IL1RAPL2: variants seen among roughly 807,000 people sequenced by gnomAD.
IL1RAPL2 encodes the protein interleukin 1 receptor accessory protein like 2, also known as X-linked interleukin-1 receptor accessory protein-like 2.
IL1RAPL2 carries 3 observed loss-of-function variants against 44.1 expected under a neutral mutation model. The ratio of observed to expected loss-of-function variants is 0.07; its 90% CI spans 0.03 to 0.18. The LOEUF (loss-of-function observed/expected upper bound fraction) is 0.18, where lower values mean the gene tolerates loss of function less well. Ranked by LOEUF, IL1RAPL2 falls within the 10% of genes least tolerant of loss-of-function variation. The pLI is 1.00. For synonymous variants in IL1RAPL2, 181 were observed against 178.8 expected (o/e 1.01, Z -0.10); for missense variants, 391 against 496.4 (o/e 0.79, Z 2.02).
intron 9 of IL1RAPL2, among the ~76,000 whole-genome samples, chrX:105,751,706 A>C (rs1293710538): frequency 8.9e-6 from 1 of 111,789 alleles, no homozygotes; most frequent in Non-Finnish European, 1.9e-5. Flanking sequence ...ATTTTTCTGC[A>C]TAGAACCTTG....
Position 105,602,723 on chromosome X carries a change from A to T in IL1RAPL2, c.773-114644A>T, listed in dbSNP as rs747599271. Among the ~76,000 whole-genome samples the T allele has an allele frequency of 3.6e-5, 4 of 109,837 alleles. No homozygotes were observed. In the South Asian group the frequency reaches 1.6e-3, roughly 43 times the overall value. On this transcript the variant is annotated intron_variant, in intron 6 of 10. Transcript: ENST00000372582. ...AGTCATATATAAGGAAATTCCCATCAGACTAACTAGAAATTTTTTAGCAGA... is the reference window on the plus strand; with the variant it reads ...AGTCATATATAAGGAAATTCCCATCTGACTAACTAGAAATTTTTTAGCAGA...
At chrX:105,516,481 A>T (rs1388219828) in intron 6 of IL1RAPL2, among the ~76,000 whole-genome samples, 1 of 111,936 alleles carries the variant, frequency 8.9e-6, no homozygotes, top group Admixed American at 9.5e-5. Context: ...AAACACGTGG[A>T]TGCAATGAAC....
At chrX:105,317,075 A>G (rs2034847927) in intron 5 of IL1RAPL2, among the ~76,000 whole-genome samples, 1 of 111,599 alleles carries the variant, frequency 9.0e-6, no homozygotes, top group Non-Finnish European at 1.9e-5. Context: ...CACTCTGCCT[A>G]GCTCATAATA....
chrX:105,066,427 G>A (rs916916539), intron 2 of IL1RAPL2, among the ~76,000 whole-genome samples: 7 of 111,794 alleles, frequency 6.3e-5, no homozygotes, highest in African/African-American at 2.0e-4. Flanking sequence ...CCTAAGAGCA[G>A]CTACTGACAT....
chrX:105,000,297 T>C (rs1373155813), intron 2 of IL1RAPL2, among the ~76,000 whole-genome samples: 3 of 112,138 alleles, frequency 2.7e-5, no homozygotes, highest in Non-Finnish European at 1.9e-5. Flanking sequence ...TTTCCATTTA[T>C]AGCTCTAAAT....
At chrX:104,705,291 C>T (rs781090959) in intron 2 of IL1RAPL2, among the ~76,000 whole-genome samples, 25 of 111,178 alleles carry the variant, frequency 2.2e-4, no homozygotes, top group East Asian at 5.7e-4. Context: ...AATCTAATAA[C>T]GTGCAACTGT....
chrX:104,839,141 G>A lies in IL1RAPL2; in HGVS notation c.82+180146G>A, dbSNP rs749907056. On this transcript the variant is annotated intron_variant, in intron 2 of 10. Transcript: ENST00000372582. ...TGGGATTACAAGCATGAGCCACTGT[G>A]CCCGGCCCTCTTGTGCCTGAAAGGG... 4.7e-4 allele frequency among the ~76,000 whole-genome samples: 52 copies of A among 110,113 alleles called. 1 individual carries two copies. The highest frequency in any genetic ancestry group is 1.6e-3 in the African/African-American group (48 of 30,335).
chrX:105,119,068 A>T (rs1052488493), intron 2 of IL1RAPL2, among the ~76,000 whole-genome samples: 2 of 111,531 alleles, frequency 1.8e-5, no homozygotes, highest in African/African-American at 6.5e-5. Context: ...TTGACCTGTG[A>T]TGTAGCCAGG....
intron 6 of IL1RAPL2, among the ~76,000 whole-genome samples, chrX:105,697,363 T>C (rs2038084829): frequency 9.1e-6 from 1 of 109,979 alleles, no homozygotes; most frequent in Non-Finnish European, 1.9e-5. Flanking sequence ...AAATGCATTA[T>C]TAAATGCCAA....
At chrX:105,619,279 A>G (rs903203240) in intron 6 of IL1RAPL2, among the ~76,000 whole-genome samples, 16 of 110,459 alleles carry the variant, frequency 1.4e-4, no homozygotes, top group African/African-American at 4.6e-4. Flanking sequence ...CTGTTAAATA[A>G]AGGTAAGATT....
intron 5 of IL1RAPL2, among the ~76,000 whole-genome samples, chrX:105,299,148 A>G (rs1404046941): frequency 8.9e-6 from 1 of 111,755 alleles, no homozygotes; most frequent in East Asian, 2.8e-4. Context: ...AATATGTTAG[A>G]TCTGTTTTTA....
chrX:105,748,287 G>A (rs1390243723), intron 8 of IL1RAPL2, among the ~76,000 whole-genome samples: 2 of 112,245 alleles, frequency 1.8e-5, no homozygotes, highest in Non-Finnish European at 3.8e-5. Context: ...AGGTAGGCTG[G>A]TGTTGGCTGA....
chrX:104,900,090 G>A (rs1057289739), intron 2 of IL1RAPL2, among the ~76,000 whole-genome samples: 7 of 111,554 alleles, frequency 6.3e-5, no homozygotes, highest in African/African-American at 2.3e-4. Context: ...ATAAGACACA[G>A]CCAATTCCCA....
chrX:105,627,260 C>T (rs1243405377), intron 6 of IL1RAPL2, among the ~76,000 whole-genome samples: 2 of 111,004 alleles, frequency 1.8e-5, no homozygotes, highest in Non-Finnish European at 3.8e-5. Context: ...GAATATCCTT[C>T]TTTTATTATG....
chrX:104,991,461 A>G (rs940912130), intron 2 of IL1RAPL2, among the ~76,000 whole-genome samples: 1 of 111,621 alleles, frequency 9.0e-6, no homozygotes, highest in Middle Eastern at 4.7e-3. Context: ...CCTTTCAAAG[A>G]ATGGACAGAA....
chrX:105,313,903 T>C (rs191778639), intron 5 of IL1RAPL2, among the ~76,000 whole-genome samples: 20 of 111,640 alleles, frequency 1.8e-4, no homozygotes, highest in African/African-American at 6.2e-4. Context: ...ATACTTCTTA[T>C]CAAAGAGAGG....
intron 2 of IL1RAPL2, among the ~76,000 whole-genome samples, chrX:104,839,091 C>T: frequency 9.2e-6 from 1 of 109,217 alleles, no homozygotes; most frequent in Non-Finnish European, 1.9e-5. Flanking sequence ...TCAGGTGATC[C>T]ACCTGCCTCA....
chrX:105,759,817 G>A lies in IL1RAPL2; in HGVS notation c.1363+4470G>A, dbSNP rs746015158. On this transcript the variant is annotated intron_variant, in intron 10 of 10. Transcript: ENST00000372582. Reference sequence around the variant, plus strand: ...GATCCCTAGTCACTTCTGAAGTGAGGCATGCAAAAAAACATTTTTGTACAT... The same window carrying A: ...GATCCCTAGTCACTTCTGAAGTGAGACATGCAAAAAAACATTTTTGTACAT... Among the ~76,000 whole-genome samples, 10 of 111,876 alleles carry A rather than the reference G, an allele frequency of 8.9e-5. No homozygotes were observed. The South Asian group carries it at 3.7e-3, about 42-fold the overall frequency.
At chrX:104,606,993 A>G (rs1929029720) in intron 1 of IL1RAPL2, among the ~76,000 whole-genome samples, 2 of 112,033 alleles carry the variant, frequency 1.8e-5, no homozygotes, top group African/African-American at 3.2e-5. Flanking sequence ...AAACTATACT[A>G]CAAAGCTACC....
Sources: allele counts gnomAD v4.1 joint callset (sites outside exome capture counted in the v4.1 genomes callset), GRCh38; gene constraint gnomAD v4.1.1; transcripts MANE v1.5; gene names NCBI Gene and HGNC (gene_info 2026-07-23, HGNC 2026-07-21).